BTG4: variants seen among roughly 807,000 people sequenced by gnomAD.
BTG4 encodes the protein BTG anti-proliferation factor 4.
Under a neutral mutation model 19.3 loss-of-function variants are expected in BTG4, and 10 were observed. The ratio of observed to expected loss-of-function variants is 0.52; its 90% CI spans 0.32 to 0.88. The LOEUF (loss-of-function observed/expected upper bound fraction) is 0.88, where lower values mean the gene tolerates loss of function less well. Among genes scored for constraint, BTG4 ranks in the 40% least tolerant of loss-of-function variants. BTG4 has a pLI of 0.04. For synonymous variants in BTG4, 91 were observed against 95.7 expected (o/e 0.95, Z 0.29); for missense variants, 238 against 281.9 (o/e 0.84, Z 1.11).
chr11:111,423,164 C>T, the BTG4 span, among the ~76,000 whole-genome samples: 128,133 of 152,064 alleles, frequency 0.84, 56,456 homozygotes, highest in South Asian at 0.98. Flanking sequence ...CCCTCCACCC[C>T]GAGTCAGCAA....
At chr11:111,461,600 G>C in the BTG4 span, among the ~76,000 whole-genome samples, 1 of 152,176 alleles carries the variant, frequency 6.6e-6, no homozygotes, top group Non-Finnish European at 1.5e-5. Context: ...TTTAATCCCA[G>C]CTACTTGGGG....
chr11:111,410,349 C>T, the BTG4 span, among the ~76,000 whole-genome samples: 2 of 152,072 alleles, frequency 1.3e-5, no homozygotes, highest in African/African-American at 2.4e-5. Context: ...AAGCAATCCT[C>T]CTGATATAAC....
chr11:111,388,065 A>T, the BTG4 span, among the ~76,000 whole-genome samples: 4 of 152,226 alleles, frequency 2.6e-5, no homozygotes, highest in African/African-American at 4.8e-5. Flanking sequence ...TGTGCTGGAA[A>T]TAATGTTAGG....
At chr11:111,452,600 T>A in the BTG4 span, 1 of 152,240 alleles carries the variant, frequency 6.6e-6, no homozygotes, top group Non-Finnish European at 1.5e-5. Context: ...AGCGACATCT[T>A]AACCACTCCA....
At chr11:111,463,859 T>C (rs1228067631), downstream of BTG4, among the ~76,000 whole-genome samples, 1 of 152,194 alleles carries the variant, frequency 6.6e-6, no homozygotes, top group Non-Finnish European at 1.5e-5. Context: ...TTATGGCTAT[T>C]GGCAGACCTC....
At chr11:111,462,902 C>G (rs1420335001), downstream of BTG4, 1 of 152,722 alleles carries the variant, frequency 6.5e-6, no homozygotes, top group African/African-American at 2.4e-5. Flanking sequence ...ATGAGCACAT[C>G]CTCCCACATC....
At position 111,497,208 on chromosome 11, in the gene BTG4, G is replaced by T. The variant is rs374066329; in HGVS notation, c.510+3C>A. On this transcript the variant is annotated splice_donor_region_variant and intron_variant, in intron 4 of 4. Coordinates refer to ENST00000692032, the MANE Select transcript of BTG4 (RefSeq NM_001367975.1). Reference sequence around the variant, plus strand: ...TATAGAAAAGAACTGGAACACTCTTGACCTGATAAATACTCTTCGGATTGC... The same window carrying T: ...TATAGAAAAGAACTGGAACACTCTTTACCTGATAAATACTCTTCGGATTGC... The T allele has an allele frequency of 3.7e-6, 6 of 1,611,462 alleles. No homozygotes were observed. Among genetic ancestry groups the T allele is most frequent in the Non-Finnish European group, 5.1e-6 (6 of 1,178,254 alleles).
the BTG4 span, among the ~76,000 whole-genome samples, chr11:111,420,340 A>G: frequency 6.6e-6 from 1 of 152,246 alleles, no homozygotes; most frequent in Non-Finnish European, 1.5e-5. Context: ...CAGCTCTGGA[A>G]GTGAAACTGA....
the BTG4 span, among the ~76,000 whole-genome samples, chr11:111,390,973 G>A: frequency 6.6e-6 from 1 of 152,212 alleles, no homozygotes; most frequent in African/African-American, 2.4e-5. Context: ...CCAAGCCCTG[G>A]ATTGCAGAAA....
chr11:111,493,458 C>G (rs187365848), downstream of BTG4, among the ~76,000 whole-genome samples: 15 of 152,296 alleles, frequency 9.8e-5, no homozygotes, highest in Non-Finnish European at 1.8e-4. Flanking sequence ...AAGGATTAAA[C>G]TAAAGTACAT....
At chr11:111,470,876 C>T (rs1027894006) in intron 5 of BTG4, among the ~76,000 whole-genome samples, 13 of 152,148 alleles carry the variant, frequency 8.5e-5, no homozygotes, top group Non-Finnish European at 1.5e-4. Context: ...CTGCAGTGAG[C>T]TATGATCACA....
At chr11:111,436,939 T>C in the BTG4 span, among the ~76,000 whole-genome samples, 1 of 152,208 alleles carries the variant, frequency 6.6e-6, no homozygotes, top group Non-Finnish European at 1.5e-5. Flanking sequence ...CGCCCCACCA[T>C]CACCCTGCCC....
At chr11:111,484,904 G>A (rs986860541) in intron 5 of BTG4, among the ~76,000 whole-genome samples, 1 of 151,910 alleles carries the variant, frequency 6.6e-6, no homozygotes, top group Non-Finnish European at 1.5e-5. Context: ...CACCTATAAA[G>A]GCACACATAG....
In BTG4 at chr11:111,495,246, G is replaced by A. The variant is rs1394737373; in HGVS notation, c.579C>T (p.Gly193=). 1.2e-6 allele frequency: 2 copies of A among 1,612,476 alleles called. No individual in the cohort carries two copies. The highest frequency in any genetic ancestry group is 1.1e-5 in the South Asian group (1 of 90,692). Residue 193 remains glycine (G), a synonymous_variant, in exon 5 of 5, where the codon GGC becomes GGT. Coordinates refer to ENST00000692032, the MANE Select transcript of BTG4 (RefSeq NM_001367975.1). ...AAGTGTTTCCCAGGAGGCCAACACGGCCGTCCACCACATTCTTTTTGCGGG... is the reference window on the plus strand; with the variant it reads ...AAGTGTTTCCCAGGAGGCCAACACGACCGTCCACCACATTCTTTTTGCGGG... ...QIPRKKNVVD[G]RVGLLGNTYH... is the part of the protein sequence containing the mutation.
chr11:111,504,258 A>C (rs2135715218), intron 1 of BTG4, among the ~76,000 whole-genome samples: 1 of 152,120 alleles, frequency 6.6e-6, no homozygotes, highest in East Asian at 1.9e-4. Flanking sequence ...CCACACATAA[A>C]CTCAGTTCCA....
chr11:111,476,699 T>C (rs1339856029), intron 5 of BTG4, among the ~76,000 whole-genome samples: 2 of 152,132 alleles, frequency 1.3e-5, no homozygotes, highest in East Asian at 3.8e-4. Context: ...GCACAGATAC[T>C]AATAAAATGG....
At chr11:111,429,924 T>C in the BTG4 span, among the ~76,000 whole-genome samples, 2 of 138,252 alleles carry the variant, frequency 1.4e-5, no homozygotes, top group Non-Finnish European at 3.2e-5. Context: ...TGAGTCTGTG[T>C]TATTGTTGTT....
downstream of BTG4, among the ~76,000 whole-genome samples, chr11:111,465,228 A>G (rs942645548): frequency 2.0e-5 from 3 of 152,162 alleles, no homozygotes; most frequent in African/African-American, 4.8e-5. Context: ...TGTGCCTTTC[A>G]GTAGACCACA....
chr11:111,432,293 G>T, the BTG4 span, among the ~76,000 whole-genome samples: 1 of 152,000 alleles, frequency 6.6e-6, no homozygotes, highest in African/African-American at 2.4e-5. Flanking sequence ...ATGGGCTATG[G>T]GTACCAAACA....
Sources: gnomAD v4.1 joint callset for allele counts (sites outside exome capture counted in the v4.1 genomes callset) on GRCh38, gnomAD v4.1.1 for gene constraint, MANE v1.5 for transcripts, NCBI Gene and HGNC (gene_info 2026-07-23, HGNC 2026-07-21) for gene names.